PTGER3: variants seen among roughly 807,000 people sequenced by gnomAD.
PTGER3 encodes the protein prostaglandin E receptor 3.
A neutral mutation model predicts 34.7 loss-of-function variants in PTGER3; 22 were observed. The ratio of observed to expected loss-of-function variants is 0.63; its 90% CI spans 0.45 to 0.91. The LOEUF is 0.91. Ranked by LOEUF, PTGER3 falls within the 40% of genes least tolerant of loss-of-function variation. PTGER3 has a pLI of 0.00. For synonymous variants in PTGER3, 241 were observed against 230.1 expected (o/e 1.05, Z -0.43); for missense variants, 468 against 519.4 (o/e 0.90, Z 0.96).
intron 2 of PTGER3, among the ~76,000 whole-genome samples, chr1:71,000,943 C>G (rs986363903): frequency 1.3e-5 from 2 of 151,824 alleles, no homozygotes; most frequent in Non-Finnish European, 2.9e-5. Context: ...CTAAATCCAG[C>G]AAAATAGAAA....
chr1:70,940,374 G>T (rs183864365), intron 4 of PTGER3, among the ~76,000 whole-genome samples: 3 of 152,078 alleles, frequency 2.0e-5, no homozygotes, highest in Admixed American at 6.6e-5. Context: ...TCCAATCTCC[G>T]CCTATTACCT....
At chr1:70,958,682 T>C (rs766637866) in intron 2 of PTGER3, among the ~76,000 whole-genome samples, 41 of 152,316 alleles carry the variant, frequency 2.7e-4, no homozygotes, top group Middle Eastern at 3.4e-3. Context: ...TTTAGTTTTA[T>C]GTAATCTCAT....
intron 4 of PTGER3, among the ~76,000 whole-genome samples, chr1:70,868,972 C>T (rs1266280352): frequency 6.6e-6 from 1 of 151,954 alleles, no homozygotes; most frequent in Non-Finnish European, 1.5e-5. Flanking sequence ...GAAGCTGGTT[C>T]CCCAGAAGCC....
intron 1 of PTGER3, among the ~76,000 whole-genome samples, chr1:71,045,896 C>T (rs1343286894): frequency 2.0e-5 from 3 of 151,878 alleles, no homozygotes; most frequent in African/African-American, 7.3e-5. Context: ...ACCTTGAAGG[C>T]ACCCATAGGT....
Position 71,047,611 on chromosome 1 carries a change from G to C in PTGER3, c.-34C>G. 1 of 1,485,088 alleles carries C rather than the reference G, an allele frequency of 6.7e-7. No homozygotes were observed. Among genetic ancestry groups the C allele is most frequent in the Non-Finnish European group, 9.0e-7 (1 of 1,112,928 alleles). 92.0% of individuals were successfully genotyped at this position (1,485,088 alleles called of 1,614,324 possible). A position where few individuals can be genotyped will look rare whatever the true frequency, so the allele number is the denominator to read the frequency against. ...CGAGGTGAGGAGGGGATGGCGTCCAGAGAGCCGCAGCGGGAGGGGGCAGAC... is the reference window on the plus strand; with the variant it reads ...CGAGGTGAGGAGGGGATGGCGTCCACAGAGCCGCAGCGGGAGGGGGCAGAC... On this transcript the variant is annotated 5_prime_UTR_variant, in exon 1 of 4. Coordinates refer to ENST00000306666, the MANE Select transcript of PTGER3 (RefSeq NM_198719.2).
At chr1:70,900,942 CAGAT>C (rs1646825166) in intron 4 of PTGER3, among the ~76,000 whole-genome samples, 1 of 152,064 alleles carries the variant, frequency 6.6e-6, no homozygotes, top group African/African-American at 2.4e-5. Context: ...TAGGAGGAAA[CAGAT>C]AGGAGTGTCT....
At chr1:71,002,187 A>G (rs1656555523) in intron 2 of PTGER3, 1 of 152,154 alleles carries the variant, frequency 6.6e-6, no homozygotes, top group Non-Finnish European at 1.5e-5. Flanking sequence ...CACTTAAGCC[A>G]GGAGGCTGAG....
downstream of PTGER3, among the ~76,000 whole-genome samples, chr1:70,948,915 T>C (rs1650478829): frequency 6.6e-6 from 1 of 152,180 alleles, no homozygotes; most frequent in African/African-American, 2.4e-5. Context: ...ACAGATGTCA[T>C]AAAGAAAAAG....
At chr1:70,908,926 TAC>T (rs1175709728) in intron 4 of PTGER3, among the ~76,000 whole-genome samples, 1 of 152,204 alleles carries the variant, frequency 6.6e-6, no homozygotes, top group Non-Finnish European at 1.5e-5. Flanking sequence ...AAGTGAGGCA[TAC>T]AGAGGTTGAC....
chr1:71,046,610 C>T, intron 1 of PTGER3, 71 bp downstream of exon 1: 1 of 1,484,052 alleles, frequency 6.7e-7, no homozygotes, highest in South Asian at 1.4e-5. Flanking sequence ...GGTGCTGCCA[C>T]TTAGCAAAGT....
intron 2 of PTGER3, among the ~76,000 whole-genome samples, chr1:70,993,109 C>T (rs1186086170): frequency 1.3e-5 from 2 of 152,194 alleles, no homozygotes; most frequent in Non-Finnish European, 2.9e-5. Flanking sequence ...TACTTACTTT[C>T]TTCCCACTTC....
Position 71,046,816 on chromosome 1 carries a change from C to T in PTGER3, c.762G>A (p.Lys254=). 1.2e-6 allele frequency: 2 copies of T among 1,614,130 alleles called. No individual in the cohort carries two copies. The highest frequency in any genetic ancestry group is 1.7e-6 in the Non-Finnish European group (2 of 1,180,044). Residue 254 remains lysine, a synonymous_variant, in exon 1 of 4, where the codon AAG becomes AAA. Transcript: ENST00000306666. ...TGGCCCGGCAGCGGGACACCAGGGC[C>T]TTAATGGTGGCCAGGTTGCAGGAAA... ...VTFSCNLATI[K]ALVSRCRAKA...
intron 4 of PTGER3, among the ~76,000 whole-genome samples, chr1:70,885,433 G>C (rs952665248): frequency 6.6e-6 from 1 of 151,964 alleles, no homozygotes; most frequent in South Asian, 2.1e-4. Context: ...TACCATTTCT[G>C]TTCCATAAGA....
intron 1 of PTGER3, among the ~76,000 whole-genome samples, chr1:71,024,308 A>G (rs1040837249): frequency 6.6e-6 from 1 of 152,178 alleles, no homozygotes; most frequent in African/African-American, 2.4e-5. Context: ...GTCTTGAAAC[A>G]TCAATTTATT....
chr1:70,901,963 C>G (rs528856789), intron 4 of PTGER3, among the ~76,000 whole-genome samples: 4 of 152,200 alleles, frequency 2.6e-5, no homozygotes, highest in African/African-American at 9.6e-5. Flanking sequence ...GAGACTCAAA[C>G]AGCTTCTCTG....
At chr1:70,878,094 C>G (rs1411446029) in intron 4 of PTGER3, among the ~76,000 whole-genome samples, 1 of 152,086 alleles carries the variant, frequency 6.6e-6, no homozygotes, top group Non-Finnish European at 1.5e-5. Context: ...GTGAATCCGT[C>G]TGGTTCTGGG....
chr1:70,945,121 A>G lies in PTGER3; in HGVS notation c.*23+8642T>C, dbSNP rs115977610. 7.2e-3 allele frequency among the ~76,000 whole-genome samples: 1,100 copies of G among 152,210 alleles called. 14 individuals carry two copies. The highest frequency in any genetic ancestry group is 0.025 in the African/African-American group (1,055 of 41,554). On this transcript the variant is annotated intron_variant, in intron 4 of 4. Transcript: ENST00000370931. Reference sequence around the variant, plus strand: ...CCACAGGGGCTTGATTGACTTCAAAATCTTTGCTTAATTTCCCTACTGTTA... The same window carrying G: ...CCACAGGGGCTTGATTGACTTCAAAGTCTTTGCTTAATTTCCCTACTGTTA...
intron 1 of PTGER3, among the ~76,000 whole-genome samples, chr1:71,036,312 C>T (rs1178388845): frequency 1.3e-5 from 2 of 152,032 alleles, no homozygotes; most frequent in African/African-American, 4.8e-5. Context: ...TGGATTTGGC[C>T]ACATTCACTA....
chr1:70,973,375 A>G (rs956539844), intron 3 of PTGER3, among the ~76,000 whole-genome samples: 1 of 152,122 alleles, frequency 6.6e-6, no homozygotes, highest in Non-Finnish European at 1.5e-5. Context: ...TCCAGAATCA[A>G]CCAGCTTGTT....
Sources: gnomAD v4.1 joint callset for allele counts (sites outside exome capture counted in the v4.1 genomes callset) on GRCh38, gnomAD v4.1.1 for gene constraint, MANE v1.5 for transcripts, NCBI Gene and HGNC (gene_info 2026-07-23, HGNC 2026-07-21) for gene names.